The following LRMDA variants were observed in gnomAD, a reference collection of about 807,000 sequenced individuals.
LRMDA encodes leucine-rich melanocyte differentiation-associated protein.
LRMDA carries 18 observed loss-of-function variants against 29.8 expected under a neutral mutation model. The ratio of observed to expected loss-of-function variants is 0.60; its 90% CI spans 0.42 to 0.90. The LOEUF is 0.90. Among genes scored for constraint, LRMDA ranks in the 40% least tolerant of loss-of-function variants. The pLI is 0.00. For synonymous variants in LRMDA, 125 were observed against 109.4 expected (o/e 1.14, Z -0.89); for missense variants, 273 against 273.9 (o/e 1.00, Z 0.02).
intron 5 of LRMDA, among the ~76,000 whole-genome samples, chr10:76,215,528 A>T (rs936880862): frequency 2.0e-5 from 3 of 151,212 alleles, no homozygotes; most frequent in Admixed American, 6.6e-5. Flanking sequence ...TAAGTAGTAG[A>T]TTCTTTCTTG....
intron 6 of LRMDA, among the ~76,000 whole-genome samples, chr10:76,453,254 A>G (rs1450168291): frequency 6.6e-6 from 1 of 152,128 alleles, no homozygotes; most frequent in African/African-American, 2.4e-5. Flanking sequence ...CTATGCATAT[A>G]TTTGCTGGGA....
intron 5 of LRMDA, among the ~76,000 whole-genome samples, chr10:76,211,141 T>G (rs1851626899): frequency 6.6e-6 from 1 of 152,222 alleles, no homozygotes; most frequent in African/African-American, 2.4e-5. Flanking sequence ...ACCTTCCATG[T>G]CTTTGCTCAT....
At chr10:75,902,303 G>GT (rs1845688524) in intron 2 of LRMDA, among the ~76,000 whole-genome samples, 1 of 152,170 alleles carries the variant, frequency 6.6e-6, no homozygotes. Flanking sequence ...TGGGTTCCGG[G>GT]TAATCATAAC....
At chr10:75,957,832 G>A (rs372149417) in intron 2 of LRMDA, among the ~76,000 whole-genome samples, 2 of 152,084 alleles carry the variant, frequency 1.3e-5, no homozygotes, top group Non-Finnish European at 2.9e-5. Context: ...TGAGGATGAC[G>A]AGGGCTTTGA....
At chr10:75,961,805 T>C (rs1589268271) in intron 2 of LRMDA, among the ~76,000 whole-genome samples, 1 of 152,224 alleles carries the variant, frequency 6.6e-6, no homozygotes, top group East Asian at 1.9e-4. Context: ...AGAAATTTAC[T>C]ATCTTACAGT....
intron 2 of LRMDA, among the ~76,000 whole-genome samples, chr10:75,652,171 A>C (rs980435663): frequency 2.0e-5 from 3 of 151,974 alleles, no homozygotes; most frequent in African/African-American, 7.3e-5. Context: ...ATGGGCACTC[A>C]GCCTTGTGCT....
At chr10:75,667,767 T>C in intron 2 of LRMDA, among the ~76,000 whole-genome samples, 1 of 152,328 alleles carries the variant, frequency 6.6e-6, no homozygotes, top group South Asian at 2.1e-4. Context: ...GAAGGAACCA[T>C]AAATATGATC....
intron 2 of LRMDA, among the ~76,000 whole-genome samples, chr10:75,633,530 G>A (rs2132114599): frequency 6.6e-6 from 1 of 152,294 alleles, no homozygotes; most frequent in Middle Eastern, 3.4e-3. Flanking sequence ...TTCATGCACT[G>A]AATGTCTTTT....
At chr10:75,959,825 G>A (rs1846731629) in intron 2 of LRMDA, among the ~76,000 whole-genome samples, 1 of 152,194 alleles carries the variant, frequency 6.6e-6, no homozygotes, top group Non-Finnish European at 1.5e-5. Context: ...AAGACCCTGT[G>A]TGCTTATGAG....
Position 76,321,800 on chromosome 10 carries a change from C to T in LRMDA, c.517-2601C>T, listed in dbSNP as rs1198632938. On this transcript the variant is annotated intron_variant, in intron 5 of 6. Coordinates refer to ENST00000611255, the MANE Select transcript of LRMDA (RefSeq NM_001305581.2). ...TCTCTACTAAAAATGCAAAAATTAG[C>T]TGGATATGATGGCACGTGCCTGTAA... Among the ~76,000 whole-genome samples, 3 of 152,156 alleles carry T rather than the reference C, an allele frequency of 2.0e-5. No homozygotes were observed. In the South Asian group the frequency reaches 6.2e-4, roughly 32 times the overall value.
chr10:75,933,428 T>A (rs1323159959), intron 2 of LRMDA, among the ~76,000 whole-genome samples: 1 of 152,208 alleles, frequency 6.6e-6, no homozygotes, highest in Non-Finnish European at 1.5e-5. Flanking sequence ...CAGATACAGT[T>A]ATGGCTAAAT....
chr10:75,909,650 T>C (rs1845813159), intron 2 of LRMDA, among the ~76,000 whole-genome samples: 1 of 152,238 alleles, frequency 6.6e-6, no homozygotes, highest in Admixed American at 6.5e-5. Context: ...ATTATCTATT[T>C]GACCTCGGGT....
At position 76,479,997 on chromosome 10, in the gene LRMDA, G is replaced by A. The variant is rs75623107; in HGVS notation, c.602-77212G>A. Among the ~76,000 whole-genome samples the A allele has an allele frequency of 5.3e-3, 807 of 151,940 alleles. 5 individuals are homozygous for A. The highest frequency in any genetic ancestry group is 0.018 in the African/African-American group (756 of 41,480). On this transcript the variant is annotated intron_variant, in intron 6 of 6. Coordinates refer to ENST00000611255, the MANE Select transcript of LRMDA (RefSeq NM_001305581.2). ...TGGAGAATCTCTGATGAATAATAAC[G>A]TTCTAAGCTGAGCATTTTACTTACA...
intron 2 of LRMDA, among the ~76,000 whole-genome samples, chr10:75,684,665 T>C (rs1842062183): frequency 6.6e-6 from 1 of 152,236 alleles, no homozygotes; most frequent in Non-Finnish European, 1.5e-5. Flanking sequence ...AATATTCTTG[T>C]GACATTATAA....
intron 2 of LRMDA, among the ~76,000 whole-genome samples, chr10:76,028,182 A>T (rs576642452): frequency 2.0e-5 from 3 of 152,182 alleles, no homozygotes; most frequent in Non-Finnish European, 4.4e-5. Flanking sequence ...TAAGAAAAGG[A>T]TATAAATATT....
At chr10:75,713,590 A>T (rs191658306) in intron 2 of LRMDA, among the ~76,000 whole-genome samples, 28 of 152,370 alleles carry the variant, frequency 1.8e-4, no homozygotes, top group Non-Finnish European at 7.3e-5. Context: ...AAAAATGAAT[A>T]GGGAACTTAT....
intron 2 of LRMDA, among the ~76,000 whole-genome samples, chr10:75,931,037 G>C (rs577676776): frequency 2.0e-5 from 3 of 152,142 alleles, no homozygotes; most frequent in African/African-American, 7.2e-5. Flanking sequence ...GAAACCCCAA[G>C]GCATTTTCTA....
chr10:76,104,168 A>C (rs1324307020), intron 5 of LRMDA, among the ~76,000 whole-genome samples: 3 of 151,758 alleles, frequency 2.0e-5, no homozygotes, highest in Non-Finnish European at 4.4e-5. Context: ...TGTTTGTTGA[A>C]TGTCTGTCTA....
At chr10:75,680,367 AG>A in intron 2 of LRMDA, among the ~76,000 whole-genome samples, 1 of 152,218 alleles carries the variant, frequency 6.6e-6, no homozygotes, top group East Asian at 1.9e-4. Context: ...GAAGAAGGAA[AG>A]GGGGGATGGA....
Sources: gnomAD v4.1 joint callset for allele counts (sites outside exome capture counted in the v4.1 genomes callset) on GRCh38, gnomAD v4.1.1 for gene constraint, MANE v1.5 for transcripts, NCBI Gene and HGNC (gene_info 2026-07-23, HGNC 2026-07-21) for gene names.